Variants in YME1L1 observed in about 807,000 individuals in gnomAD.
The protein encoded by YME1L1 is YME1 like 1 ATPase.
YME1L1 carries 39 observed loss-of-function variants against 90.4 expected under a neutral mutation model. That is an observed-to-expected ratio of 0.43 (90% CI 0.33 to 0.56). The LOEUF (loss-of-function observed/expected upper bound fraction) is 0.56, where lower values mean the gene tolerates loss of function less well. Ranked by LOEUF, YME1L1 falls within the 20% of genes least tolerant of loss-of-function variation. YME1L1 has a pLI of 0.03. For synonymous variants in YME1L1, 284 were observed against 287.3 expected, an observed-to-expected ratio of 0.99 and a Z score of 0.12; for missense variants, 617 against 868.4, an observed-to-expected ratio of 0.71 and a Z score of 3.64.
chr10:27,151,685 T>A (rs1478042670), intron 1 of YME1L1, among the ~76,000 whole-genome samples: 1 of 151,898 alleles, frequency 6.6e-6, no homozygotes, highest in East Asian at 1.9e-4. Context: ...ATGGAGACCA[T>A]CCTGGCTAAC....
At chr10:27,122,783 C>T (rs970047196) in intron 11 of YME1L1, 58 bp downstream of exon 11, 27 of 1,596,856 alleles carry the variant, frequency 1.7e-5, no homozygotes, top group South Asian at 5.6e-5. Context: ...ATCAATTCTA[C>T]GTATATCAAA....
Position 27,123,560 on chromosome 10 carries a change from G to A in YME1L1, c.1089C>T (p.Ile363=). The A allele has an allele frequency of 1.2e-6, 2 of 1,613,504 alleles. No homozygotes were observed. The highest frequency in any genetic ancestry group is 1.7e-6 in the Non-Finnish European group (2 of 1,179,712). Reference sequence around the variant, plus strand: ...ACCAAAACGTACTAAAAAGATTTCTGATACGGCTGGCTCCCACACCCACAA... The same window carrying A: ...ACCAAAACGTACTAAAAAGATTTCTAATACGGCTGGCTCCCACACCCACAA... The part of the protein sequence containing the change: ...EMFVGVGASR[I]RNLFREAKAN... Residue 363 remains isoleucine, a synonymous_variant, in exon 10 of 19, where the codon ATC becomes ATT. Transcript: ENST00000376016.
At position 27,112,605 on chromosome 10, in the gene YME1L1, C is replaced by T. The variant is rs186268925; in HGVS notation, c.2008-485G>A. ...TGCACTCTTCCTATTCTGTTGAAGT[C>T]CAGGCCATTTGACTATGGAGCTATC... On this transcript the variant is annotated intron_variant, in intron 18 of 18. Transcript: ENST00000376016. 2.1e-3 allele frequency among the ~76,000 whole-genome samples: 324 copies of T among 152,288 alleles called. 1 individual carries two copies. The highest frequency in any genetic ancestry group is 7.4e-3 in the African/African-American group (307 of 41,572).
chr10:27,123,683 TC>T lies in YME1L1; in HGVS notation c.965del (p.Gly322AspfsTer62). The T allele has an allele frequency of 6.2e-7, 1 of 1,600,276 alleles. No individual in the cohort carries two copies. Among genetic ancestry groups the T allele is most frequent in the Non-Finnish European group, 8.5e-7 (1 of 1,175,596 alleles). On this transcript the variant is annotated frameshift_variant, in exon 10 of 19. Coordinates refer to ENST00000376016, the MANE Select transcript of YME1L1 (RefSeq NM_014263.4). LOFTEE classifies it high-confidence loss of function. ...GAAGTGTCTTTCCAGTCCCTGGGGG[TC>T]CAACTAAAAGAATTCCTAAAAGAAA... ...GKLPKGILLVGPPGTGKTLLA... is the reference protein window; with the variant it reads ...GKLPKGILLVXPPGTGKTLLA...
In YME1L1 at chr10:27,148,927, C is replaced by T. The variant is rs2057175990; in HGVS notation, c.147G>A (p.Glu49=). 1 of 1,613,932 alleles carries T rather than the reference C, an allele frequency of 6.2e-7. No homozygotes were observed. The highest frequency in any genetic ancestry group is 1.7e-5 in the Admixed American group (1 of 59,978). The change falls in exon 2 of 19, where the codon GAG becomes GAA. Residue 49 remains glutamate, a synonymous_variant. Coordinates refer to ENST00000376016, the MANE Select transcript of YME1L1 (RefSeq NM_014263.4). The part of the protein sequence containing the change: ...SQNQHRDVVP[E]HEAPSSEPSL... ...TTACCTCACTGCTGGGAGCCTCATGCTCAGGAACTACATCTCGATGCTGGT... is the reference window on the plus strand; with the variant it reads ...TTACCTCACTGCTGGGAGCCTCATGTTCAGGAACTACATCTCGATGCTGGT...
chr10:27,125,694 C>T (rs1049804035), intron 9 of YME1L1, among the ~76,000 whole-genome samples: 8 of 147,026 alleles, frequency 5.4e-5, no homozygotes, highest in African/African-American at 2.0e-4. Context: ...GACTGGAGTG[C>T]AGTGGGAACA....
At chr10:27,136,476 T>C (rs1307616476) in intron 4 of YME1L1, 91 bp from the exon 5 acceptor site, 4 of 972,568 alleles carry the variant, frequency 4.1e-6, no homozygotes, top group Non-Finnish European at 3.1e-6. Context: ...CCTACCTGTA[T>C]ATCCTAGTCT....
intron 10 of YME1L1, 116 bp downstream of exon 10, chr10:27,123,430 GC>G: frequency 6.8e-6 from 8 of 1,172,226 alleles, no homozygotes; most frequent in South Asian, 1.5e-5. Flanking sequence ...AAAGCTGGAG[GC>G]CCCAAAAAAT....
chr10:27,134,917 T>C lies in YME1L1; in HGVS notation c.605A>G (p.Asn202Ser). The C allele has an allele frequency of 6.2e-7, 1 of 1,613,882 alleles. No individual in the cohort carries two copies. Among genetic ancestry groups the C allele is most frequent in the Non-Finnish European group, 8.5e-7 (1 of 1,179,978 alleles). Residue 202 changes from asparagine to serine, a missense_variant, in exon 6 of 19, where the codon AAT (asparagine) becomes AGT (serine). Asn to Ser is a conservative substitution (Grantham distance 46). Transcript: ENST00000376016. ...ESLDKLMKTKNIPEAHQDAFK... is the reference protein window; with the variant it reads ...ESLDKLMKTKSIPEAHQDAFK... ...TGCATCTTGGTGAGCTTCAGGTATA[T>C]TTTTGGTTTTCATGAGTTTGTCCAA...
At chr10:27,149,248 T>G (rs548254728) in intron 1 of YME1L1, among the ~76,000 whole-genome samples, 87 of 152,246 alleles carry the variant, frequency 5.7e-4, no homozygotes, top group African/African-American at 2.1e-3. Context: ...AAATCAAAAG[T>G]ATCAAAAATA....
intron 2 of YME1L1, chr10:27,147,456 C>T (rs746261206): frequency 1.9e-6 from 3 of 1,614,016 alleles, no homozygotes; most frequent in Non-Finnish European, 2.5e-6. Flanking sequence ...ATGGACAAAA[C>T]AAATCATAGA....
Position 27,126,723 on chromosome 10 carries a change from T to A in YME1L1, c.922A>T (p.Thr308Ser). 1 of 1,583,214 alleles carries A rather than the reference T, an allele frequency of 6.3e-7. No individual in the cohort carries two copies. Among genetic ancestry groups the A allele is most frequent in the Non-Finnish European group, 8.6e-7 (1 of 1,165,332 alleles). ...TTTGGAAGTTTACCTCCAAGAATAG[T>A]AAATTTTTGTGGATTTTTCAAGAAT... is the stretch of plus-strand genomic sequence containing the variant. ...VEFLKNPQKF[T>S]ILGGKLPKGI... The change falls in exon 9 of 19, where the codon ACT becomes TCT. Residue 308 changes from threonine (T) to serine (S), a missense_variant. By Grantham distance (58) the Thr-to-Ser change is moderately conservative (BLOSUM62 1). This residue lies in a region of YME1L1 where 93 missense variants were observed against 184.8 expected (regional missense o/e 0.50). Coordinates refer to ENST00000376016, the MANE Select transcript of YME1L1 (RefSeq NM_014263.4).
intron 14 of YME1L1, among the ~76,000 whole-genome samples, chr10:27,118,593 A>C (rs1057108872): frequency 1.3e-5 from 2 of 152,188 alleles, no homozygotes; most frequent in Non-Finnish European, 2.9e-5. Flanking sequence ...CCCAGTCTAC[A>C]AAGTTTTTTA....
At chr10:27,132,236 G>T (rs183940182) in intron 7 of YME1L1, among the ~76,000 whole-genome samples, 2 of 152,196 alleles carry the variant, frequency 1.3e-5, no homozygotes, top group Admixed American at 6.5e-5. Context: ...AAGTAGCTGG[G>T]ATTACAGGCA....
rs1380272686 is a variant in YME1L1, at chr10:27,122,986, A to G, written c.1103-13T>C. 1 of 1,605,608 alleles carries G rather than the reference A, an allele frequency of 6.2e-7. No homozygotes were observed. Among genetic ancestry groups the G allele is most frequent in the Non-Finnish European group, 8.5e-7 (1 of 1,177,878 alleles). On this transcript the variant is annotated splice_polypyrimidine_tract_variant and intron_variant, in intron 10 of 18. Coordinates refer to ENST00000376016, the MANE Select transcript of YME1L1 (RefSeq NM_014263.4). The stretch of plus-strand genomic sequence containing the variant: ...GCCTTTGCTTCCCCTAAGAAAACAA[A>G]AAACATTCAAATAAGCTGAAAGAAA...
chr10:27,110,123 G>C lies in YME1L1; in HGVS notation c.*1854C>G, dbSNP rs1300677781. ...CATCTTTCAACTCTACATTTAAAAT[G>C]AATTTTATCATATGTAAATTATACC... On this transcript the variant is annotated 3_prime_UTR_variant, in exon 19 of 19. Coordinates refer to ENST00000376016, the MANE Select transcript of YME1L1 (RefSeq NM_014263.4). 1 of 152,116 alleles carries C rather than the reference G, an allele frequency of 6.6e-6. No individual in the cohort carries two copies. Among genetic ancestry groups the C allele is most frequent in the Non-Finnish European group, 1.5e-5 (1 of 68,018 alleles). 9.4% of individuals were successfully genotyped at this position (152,116 alleles called of 1,614,324 possible). A position where few individuals can be genotyped will look rare whatever the true frequency, so the allele number is the denominator to read the frequency against.
In YME1L1 at chr10:27,120,455, T is replaced by C. The variant is rs200775816; in HGVS notation, c.1391A>G (p.Asn464Ser). Residue 464 changes from asparagine to serine, a missense_variant, in exon 13 of 19, where the codon AAT becomes AGT. Around this residue, in one of 4 missense-constraint regions of YME1L1, gnomAD observed 212 missense variants for 330.0 expected, o/e 0.64. Transcript: ENST00000376016. ...GRTEILKWYLNKIKFDQSVDP... is the reference protein window; with the variant it reads ...GRTEILKWYLSKIKFDQSVDP... ...CTTACATTGATCAAACTTTATTTTA[T>C]TGAGATACCATTTCAAAATTTCTGT... is the stretch of plus-strand genomic sequence containing the variant. 3.7e-6 allele frequency: 6 copies of C among 1,613,296 alleles called. No homozygotes were observed. Among genetic ancestry groups the C allele is most frequent in the Non-Finnish European group, 5.1e-6 (6 of 1,179,438 alleles).
chr10:27,135,356 A>C (rs1195692505), intron 5 of YME1L1, among the ~76,000 whole-genome samples: 1 of 152,224 alleles, frequency 6.6e-6, no homozygotes, highest in Non-Finnish European at 1.5e-5. Context: ...GGCCTTATAT[A>C]AGTTCTGAAG....
intron 1 of YME1L1, among the ~76,000 whole-genome samples, chr10:27,150,610 C>T (rs2057201513): frequency 6.6e-6 from 1 of 152,178 alleles, no homozygotes. Context: ...GTCCTCACTG[C>T]TCATTATGTG....
Sources: gnomAD v4.1 joint callset for allele counts (sites outside exome capture counted in the v4.1 genomes callset) on GRCh38, gnomAD v4.1.1 for gene constraint, gnomAD v4.1.1 regional missense constraint, MANE v1.5 for transcripts, NCBI Gene and HGNC (gene_info 2026-07-23, HGNC 2026-07-21) for gene names.